Variants in SYDE2 observed in about 807,000 individuals in gnomAD.
SYDE2 encodes the protein synapse defective Rho GTPase homolog 2.
Under a neutral mutation model 91.5 loss-of-function variants are expected in SYDE2, and 76 were observed. That is an observed-to-expected ratio of 0.83 (90% CI 0.69 to 1.01). SYDE2 has a LOEUF of 1.01. Among genes scored for constraint, SYDE2 ranks in the 50% least tolerant of loss-of-function variants. The pLI, the probability that SYDE2 is intolerant of heterozygous loss-of-function variation, is 0.00. For synonymous variants in SYDE2, 513 were observed against 506.4 expected (o/e 1.01, Z -0.18); for missense variants, 1,364 against 1,367.7 (o/e 1.00, Z 0.04).
chr1:85,191,986 A>G (rs1658388964), intron 1 of SYDE2, among the ~76,000 whole-genome samples: 1 of 151,416 alleles, frequency 6.6e-6, no homozygotes. Flanking sequence ...TTAAAACCAC[A>G]TTTTAAAAAT....
At position 85,190,370 on chromosome 1, in the gene SYDE2, A is replaced by C; in HGVS notation, c.1128T>G (p.Pro376=). Residue 376 remains proline (P), a synonymous_variant, in exon 2 of 7, where the codon CCT becomes CCG. Transcript: ENST00000341460. Reference sequence around the variant, plus strand: ...TTGATATACCAAGGTCATCATCCTCAGGAATGGGATTGTACCATATTTCTC... The same window carrying C: ...TTGATATACCAAGGTCATCATCCTCCGGAATGGGATTGTACCATATTTCTC... ...DEGEIWYNPI[P]EDDDLGISSA... 6.2e-7 allele frequency: 1 copy of C among 1,613,946 alleles called. No homozygotes were observed. Among genetic ancestry groups the C allele is most frequent in the Non-Finnish European group, 8.5e-7 (1 of 1,179,866 alleles).
intron 4 of SYDE2, among the ~76,000 whole-genome samples, chr1:85,174,461 T>C (rs1419931617): frequency 6.6e-6 from 1 of 152,160 alleles, no homozygotes; most frequent in African/African-American, 2.4e-5. Context: ...CAAAAGCATT[T>C]AGGACCTATG....
At chr1:85,170,897 C>A (rs1165873451) in intron 4 of SYDE2, among the ~76,000 whole-genome samples, 2 of 152,164 alleles carry the variant, frequency 1.3e-5, no homozygotes, top group Non-Finnish European at 2.9e-5. Flanking sequence ...ACCTTGCACA[C>A]AATCACTTTG....
chr1:85,190,667 C>T lies in SYDE2; in HGVS notation c.831G>A (p.Lys277=), dbSNP rs1184825117. The T allele has an allele frequency of 6.2e-7, 1 of 1,613,786 alleles. No homozygotes were observed. The highest frequency in any genetic ancestry group is 8.5e-7 in the Non-Finnish European group (1 of 1,179,880). ...LKDNIEFRGH[K]PLNSITVSKK... is the part of the protein sequence containing the mutation. Reference sequence around the variant, plus strand: ...TTGAAACAGTGATGCTGTTAAGTGGCTTATGACCTCTGAATTCAATATTAT... The same window carrying T: ...TTGAAACAGTGATGCTGTTAAGTGGTTTATGACCTCTGAATTCAATATTAT... Residue 277 remains lysine (K), a synonymous_variant, in exon 2 of 7, where the codon AAG becomes AAA. Coordinates refer to ENST00000341460, the MANE Select transcript of SYDE2 (RefSeq NM_032184.2).
chr1:85,190,756 T>C lies in SYDE2; in HGVS notation c.746-4A>G, dbSNP rs369532477. 11 of 1,585,492 alleles carry C rather than the reference T, an allele frequency of 6.9e-6. No individual in the cohort carries two copies. The highest frequency in any genetic ancestry group is 8.6e-6 in the Non-Finnish European group (10 of 1,166,764). ...CCATAGGCATTTTCAAATAAATCTG[T>C]TGCAAAGATAGAATAGAAGGTAGAA... On this transcript the variant is annotated splice_polypyrimidine_tract_variant and splice_region_variant and intron_variant, in intron 1 of 6. Coordinates refer to ENST00000341460, the MANE Select transcript of SYDE2 (RefSeq NM_032184.2).
intron 2 of SYDE2, among the ~76,000 whole-genome samples, chr1:85,189,168 G>T (rs12141372): frequency 4.0e-5 from 6 of 151,888 alleles, no homozygotes; most frequent in African/African-American, 1.5e-4. Flanking sequence ...TTCATTTTTA[G>T]GTTCCATAAC....
At position 85,169,202 on chromosome 1, in the gene SYDE2, C is replaced by G; in HGVS notation, c.2695G>C (p.Glu899Gln). The G allele has an allele frequency of 6.2e-7, 1 of 1,613,026 alleles. No individual in the cohort carries two copies. Among genetic ancestry groups the G allele is most frequent in the Non-Finnish European group, 8.5e-7 (1 of 1,179,552 alleles). The change falls in exon 5 of 7, where the codon GAA becomes CAA. Residue 899 changes from glutamate to glutamine, a missense_variant. Transcript: ENST00000341460. ...TTTGTTATCAGAGGAGAAGGGAGTTCTCTTAAATAATCCTTAAGAACACCT... is the reference window on the plus strand; with the variant it reads ...TTTGTTATCAGAGGAGAAGGGAGTTGTCTTAAATAATCCTTAAGAACACCT... ...ITGVLKDYLR[E>Q]LPSPLITKQL...
chr1:85,198,228 G>T (rs918965569), intron 1 of SYDE2, among the ~76,000 whole-genome samples: 1 of 152,016 alleles, frequency 6.6e-6, no homozygotes, highest in African/African-American at 2.4e-5. Flanking sequence ...GAGTGATCTT[G>T]GGCAAACTGC....
At chr1:85,159,974 G>T in intron 6 of SYDE2, 4 of 984,486 alleles carry the variant, frequency 4.1e-6, no homozygotes, top group Non-Finnish European at 4.8e-6. Flanking sequence ...TATGCATTGT[G>T]CTAGCCATAT....
At chr1:85,167,524 G>A (rs1339879340) in intron 5 of SYDE2, among the ~76,000 whole-genome samples, 2 of 152,036 alleles carry the variant, frequency 1.3e-5, no homozygotes, top group South Asian at 2.1e-4. Flanking sequence ...GCATGATCTC[G>A]GCTCACTGTA....
chr1:85,173,364 A>G (rs529261714), intron 4 of SYDE2, among the ~76,000 whole-genome samples: 48 of 152,278 alleles, frequency 3.2e-4, no homozygotes, highest in Non-Finnish European at 5.6e-4. Flanking sequence ...CCCTGCAGGT[A>G]TCAGGGGGAG....
chr1:85,187,841 G>A (rs1658209567), intron 2 of SYDE2, among the ~76,000 whole-genome samples: 1 of 132,958 alleles, frequency 7.5e-6, no homozygotes, highest in South Asian at 2.8e-4. Flanking sequence ...ACAGGAAGGG[G>A]AACATCACAC....
At chr1:85,200,100 ATTACT>A in intron 1 of SYDE2, 147 bp downstream of exon 1, 2 of 974,178 alleles carry the variant, frequency 2.1e-6, no homozygotes, top group Non-Finnish European at 2.4e-6. Flanking sequence ...TAACCCCGAA[ATTACT>A]TTAAGCTGCC....
intron 2 of SYDE2, among the ~76,000 whole-genome samples, chr1:85,184,185 C>T (rs1344585963): frequency 1.3e-5 from 2 of 152,074 alleles, no homozygotes; most frequent in Non-Finnish European, 2.9e-5. Flanking sequence ...TGGCACACTC[C>T]TTCAGCACCT....
intron 4 of SYDE2, among the ~76,000 whole-genome samples, 164 bp from the exon 5 acceptor site, chr1:85,169,389 C>T (rs1657417173): frequency 6.6e-6 from 1 of 152,104 alleles, no homozygotes. Flanking sequence ...ATTTTGTATT[C>T]TTTTAAGTTG....
chr1:85,195,571 GA>G lies in SYDE2; in HGVS notation c.745+4680del, dbSNP rs566562173. On this transcript the variant is annotated intron_variant, in intron 1 of 6. Coordinates refer to ENST00000341460, the MANE Select transcript of SYDE2 (RefSeq NM_032184.2). ...TGTGGCTAGCAATAAAAACCCTAAA[GA>G]AAAAAAAAAGCTGTGTGTTAGCTTT... Among the ~76,000 whole-genome samples the G allele has an allele frequency of 4.0e-3, 587 of 146,028 alleles. 4 individuals are homozygous for G. The highest frequency in any genetic ancestry group is 4.4e-3 in the Non-Finnish European group (290 of 66,130).
chr1:85,195,542 C>T (rs370303594), intron 1 of SYDE2, among the ~76,000 whole-genome samples: 1 of 151,536 alleles, frequency 6.6e-6, no homozygotes. Flanking sequence ...TATTTTCATT[C>T]CCTTGTGGCT....
chr1:85,176,611 TAA>T (rs892325252), intron 4 of SYDE2, among the ~76,000 whole-genome samples: 12 of 152,202 alleles, frequency 7.9e-5, no homozygotes, highest in African/African-American at 2.6e-4. Flanking sequence ...AAGCAAGTTA[TAA>T]GAGAAAAATT....
chr1:85,152,641 A>G (rs929019849), downstream of SYDE2: 1 of 152,246 alleles, frequency 6.6e-6, no homozygotes, highest in African/African-American at 2.4e-5. Flanking sequence ...AATTAATTGA[A>G]CAGCTTCTAT....
Sources: allele counts gnomAD v4.1 joint callset (sites outside exome capture counted in the v4.1 genomes callset), GRCh38; gene constraint gnomAD v4.1.1; transcripts MANE v1.5; gene names NCBI Gene and HGNC (gene_info 2026-07-23, HGNC 2026-07-21).